Variants in SALL4 observed in about 807,000 individuals in gnomAD.
The protein encoded by SALL4 is spalt like transcription factor 4.
In SALL4, 4 loss-of-function variants were observed where a neutral mutation model predicts 60.8. That is an observed-to-expected ratio of 0.07 (90% CI 0.03 to 0.15). The LOEUF (loss-of-function observed/expected upper bound fraction) is 0.15, where lower values mean the gene tolerates loss of function less well. Among genes scored for constraint, SALL4 ranks in the 10% least tolerant of loss-of-function variants. SALL4 has a pLI of 1.00. For synonymous variants in SALL4, 580 were observed against 574.9 expected (o/e 1.01, Z -0.13); for missense variants, 1,178 against 1,394.7 (o/e 0.84, Z 2.48).
chr20:51,798,660 T>C (rs2078092974), intron 1 of SALL4, among the ~76,000 whole-genome samples: 1 of 152,040 alleles, frequency 6.6e-6, no homozygotes, highest in Non-Finnish European at 1.5e-5. Context: ...AACTCCAACA[T>C]TGTTTTATTT....
At chr20:51,798,878 A>G (rs1196864710) in intron 1 of SALL4, among the ~76,000 whole-genome samples, 1 of 151,264 alleles carries the variant, frequency 6.6e-6, no homozygotes, top group Non-Finnish European at 1.5e-5. Context: ...AACAAAACAA[A>G]AAAAACAGTT....
Position 51,791,732 on chromosome 20 carries a change from C to T in SALL4, c.751G>A (p.Gly251Arg), listed in dbSNP as rs758020881. 5.0e-6 allele frequency: 8 copies of T among 1,614,050 alleles called. No homozygotes were observed. The highest frequency in any genetic ancestry group is 5.1e-6 in the Non-Finnish European group (6 of 1,180,052). Residue 251 changes from glycine (G) to arginine (R), a missense_variant, in exon 2 of 4, where the codon GGG (glycine) becomes AGG (arginine). Physicochemically the swap from Gly to Arg is moderately radical, Grantham distance 125. Around this residue, in one of 5 missense-constraint regions of SALL4, gnomAD observed 853 missense variants for 1,036.8 expected, o/e 0.82. Transcript: ENST00000217086. This position sits in a 1 kb window ranked among gnomAD's most constrained non-coding sequence, Gnocchi z 4.6. ...GTCTTCAGAGTGTCGGCCCCTGCCC[C>T]GCTTGAGTGGAGGGCGTGGGAGGCC... ...MWASHALHSS[G>R]AGADTLKTLG...
Position 51,791,175 on chromosome 20 carries a change from C to T in SALL4, c.1308G>A (p.Lys436=). The change falls in exon 2 of 4, where the codon AAG becomes AAA. Residue 436 remains lysine (K), a synonymous_variant. Coordinates refer to ENST00000217086, the MANE Select transcript of SALL4 (RefSeq NM_020436.5). This position sits in a 1 kb window ranked among gnomAD's most constrained non-coding sequence, Gnocchi z 4.6. ...KVHFHRHPQV[K]ANPQLFAEFQ... is the part of the protein sequence containing the mutation. ...ACTCGGCAAACAGCTGGGGGTTTGC[C>T]TTCACCTGGGGATGTCGGTGAAAGT... 6.2e-7 allele frequency: 1 copy of T among 1,614,150 alleles called. No homozygotes were observed. The highest frequency in any genetic ancestry group is 1.7e-4 in the Middle Eastern group (1 of 6,046).
chr20:51,787,325 G>A (rs1299649543), intron 3 of SALL4, among the ~76,000 whole-genome samples: 2 of 152,088 alleles, frequency 1.3e-5, no homozygotes, highest in Non-Finnish European at 2.9e-5. Context: ...TCAAGAGGCT[G>A]AGGCAGGAGA....
rs764020122 is a variant in SALL4 at position 51,784,299 on chromosome 20, T to A, written c.3128A>T (p.His1043Leu). ...TDGVPKHQFP[H>L]FLEENKIAVS is the part of the protein sequence containing the mutation. ...CGCAATCTTGTTTTCTTCCAGGAAG[T>A]GAGGAAACTGGTGTTTGGGAACGCC... The change falls in exon 4 of 4, where the codon CAC becomes CTC. Residue 1043 changes from histidine (H) to leucine (L), a missense_variant. By Grantham distance (99) the His-to-Leu change is moderately conservative. Around this residue, in one of 5 missense-constraint regions of SALL4, gnomAD observed 174 missense variants for 169.6 expected, o/e 1.03. Coordinates refer to ENST00000217086, the MANE Select transcript of SALL4 (RefSeq NM_020436.5). 3.7e-6 allele frequency: 6 copies of A among 1,614,002 alleles called. No individual in the cohort carries two copies. The South Asian group carries it at 4.4e-5, about 12-fold the overall frequency.
chr20:51,792,027 C>A lies in SALL4; in HGVS notation c.456G>T (p.Val152=). The A allele has an allele frequency of 6.2e-7, 1 of 1,614,120 alleles. No individual in the cohort carries two copies. Among genetic ancestry groups the A allele is most frequent in the Non-Finnish European group, 8.5e-7 (1 of 1,180,026 alleles). ...GGGCTGTCTCTGTCTTTAGGTACACCACAGACTCCGCATCCGGCTTCTCCT... is the reference window on the plus strand; with the variant it reads ...GGGCTGTCTCTGTCTTTAGGTACACAACAGACTCCGCATCCGGCTTCTCCT... ...DMKEKPDAES[V]VYLKTETALP... is the part of the protein sequence containing the mutation. Residue 152 remains valine (V), a synonymous_variant, in exon 2 of 4, where the codon GTG becomes GTT. Transcript: ENST00000217086.
chr20:51,785,352 G>C (rs1279703637), intron 3 of SALL4, among the ~76,000 whole-genome samples: 2 of 152,178 alleles, frequency 1.3e-5, no homozygotes, highest in African/African-American at 4.8e-5. Flanking sequence ...GATTGAGCAT[G>C]TACTGAAAGT....
At chr20:51,794,428 C>T (rs2122970687) in intron 1 of SALL4, among the ~76,000 whole-genome samples, 1 of 152,194 alleles carries the variant, frequency 6.6e-6, no homozygotes, top group Non-Finnish European at 1.5e-5. Flanking sequence ...TGGCGCATGC[C>T]TAATCCCAGC....
chr20:51,785,540 C>T (rs17201143), intron 3 of SALL4, among the ~76,000 whole-genome samples: 37,630 of 152,110 alleles, frequency 0.25, 5,728 homozygotes, highest in East Asian at 0.44. Context: ...CAAGATGGGG[C>T]TTATAGTCTC....
intron 1 of SALL4, among the ~76,000 whole-genome samples, chr20:51,799,659 G>A (rs2078098512): frequency 6.6e-6 from 1 of 152,216 alleles, no homozygotes; most frequent in African/African-American, 2.4e-5. Context: ...CTAAGCCAGC[G>A]TAGGTCATTT....
chr20:51,801,794 G>A lies in SALL4; in HGVS notation c.130+485C>T, dbSNP rs2078111407. ...GCAACAGATCGTCCTCCTCCGGGGGGTCTTCCAGGGGTGCGCCCCTCCTCC... is the reference window on the plus strand; with the variant it reads ...GCAACAGATCGTCCTCCTCCGGGGGATCTTCCAGGGGTGCGCCCCTCCTCC... On this transcript the variant is annotated intron_variant, in intron 1 of 3. Transcript: ENST00000217086. This position sits in a 1 kb window ranked among gnomAD's most constrained non-coding sequence, Gnocchi z 5.2. Among the ~76,000 whole-genome samples the A allele has an allele frequency of 6.6e-6, 1 of 151,934 alleles. No homozygotes were observed. Among genetic ancestry groups the A allele is most frequent in the African/African-American group, 2.4e-5 (1 of 41,390 alleles).
At position 51,784,134 on chromosome 20, in the gene SALL4, C is replaced by T. The variant is rs892228499; in HGVS notation, c.*131G>A. On this transcript the variant is annotated 3_prime_UTR_variant, in exon 4 of 4. Coordinates refer to ENST00000217086, the MANE Select transcript of SALL4 (RefSeq NM_020436.5). ...TAGCACTTGCCTGAGGTTGTGGTCA[C>T]AACCAACGTAGTAAACATCATTTGC... 9.0e-7 allele frequency: 1 copy of T among 1,115,810 alleles called. No homozygotes were observed. The highest frequency in any genetic ancestry group is 1.3e-6 in the Non-Finnish European group (1 of 754,956). 69.1% of individuals were successfully genotyped at this position (1,115,810 alleles called of 1,614,324 possible).
chr20:51,794,508 G>A (rs2078068713), intron 1 of SALL4, among the ~76,000 whole-genome samples: 1 of 152,060 alleles, frequency 6.6e-6, no homozygotes, highest in South Asian at 2.1e-4. Flanking sequence ...CTGAGATTGT[G>A]CCATTGTACT....
chr20:51,785,667 G>A (rs1454029499), intron 3 of SALL4, among the ~76,000 whole-genome samples: 5 of 151,290 alleles, frequency 3.3e-5, no homozygotes, highest in East Asian at 1.9e-4. Context: ...TTTTTGAGAC[G>A]GAGTCTCGCT....
At chr20:51,795,652 A>C (rs574338873) in intron 1 of SALL4, among the ~76,000 whole-genome samples, 1 of 152,294 alleles carries the variant, frequency 6.6e-6, no homozygotes, top group Non-Finnish European at 1.5e-5. Context: ...TAGGGAAGGA[A>C]ATACACGCTG....
At position 51,791,843 on chromosome 20, in the gene SALL4, C is replaced by T. The variant is rs765109725; in HGVS notation, c.640G>A (p.Val214Ile). The change falls in exon 2 of 4, where the codon GTC becomes ATC. Residue 214 changes from valine (V) to isoleucine (I), a missense_variant. Around this residue, in one of 5 missense-constraint regions of SALL4, gnomAD observed 853 missense variants for 1,036.8 expected, o/e 0.82. Transcript: ENST00000217086. The surrounding 1 kb of genome is among the most constrained non-coding windows in gnomAD (Gnocchi z 4.6). The part of the protein sequence containing the change: ...PVPGANSIPW[V>I]LEQILCLQQQ... ...TGCAGACACAAGATCTGCTCGAGGACCCACGGGATGCTGTTGGCACCAGGC... is the reference window on the plus strand; with the variant it reads ...TGCAGACACAAGATCTGCTCGAGGATCCACGGGATGCTGTTGGCACCAGGC... The T allele has an allele frequency of 2.5e-6, 4 of 1,614,016 alleles. No homozygotes were observed. Among genetic ancestry groups the T allele is most frequent in the African/African-American group, 2.7e-5 (2 of 74,946 alleles).
chr20:51,789,360 A>G (rs774020623), intron 2 of SALL4, among the ~76,000 whole-genome samples: 3 of 151,012 alleles, frequency 2.0e-5, no homozygotes, highest in Non-Finnish European at 3.0e-5. Context: ...TTTTTTTTTT[A>G]AAGGCATGGG....
At position 51,802,465 on chromosome 20, in the gene SALL4, T is replaced by G; in HGVS notation, c.-57A>C. On this transcript the variant is annotated 5_prime_UTR_variant, in exon 1 of 4. Coordinates refer to ENST00000217086, the MANE Select transcript of SALL4 (RefSeq NM_020436.5). ...AGTTATTTGCCCTCTCCGCCACAAA[T>G]TCCTGGAGTTGGGAAATTTACCCCC... 6.2e-7 allele frequency: 1 copy of G among 1,610,532 alleles called. No homozygotes were observed. Among genetic ancestry groups the G allele is most frequent in the South Asian group, 1.1e-5 (1 of 90,710 alleles).
chr20:51,793,740 C>T (rs1235261059), intron 1 of SALL4, among the ~76,000 whole-genome samples: 1 of 152,204 alleles, frequency 6.6e-6, no homozygotes, highest in Non-Finnish European at 1.5e-5. Context: ...AAGCCACGGA[C>T]TTTTGACAGC....
Sources: allele counts gnomAD v4.1 joint callset (sites outside exome capture counted in the v4.1 genomes callset), GRCh38; gene constraint gnomAD v4.1.1; regional missense constraint gnomAD v4.1.1; non-coding constraint Gnocchi (gnomAD v3.1); transcripts MANE v1.5; gene names NCBI Gene and HGNC (gene_info 2026-07-23, HGNC 2026-07-21).